CCDC32: variants seen among roughly 807,000 people sequenced by gnomAD.
CCDC32 encodes the protein coiled-coil domain-containing protein 32.
In CCDC32, 9 loss-of-function variants were observed where a neutral mutation model predicts 20.1. The ratio of observed to expected loss-of-function variants is 0.45; its 90% CI spans 0.27 to 0.78. The LOEUF is 0.78. CCDC32 is among the 30% of genes least tolerant of loss of function. The pLI is 0.16. For synonymous variants in CCDC32, 63 were observed against 79.0 expected, an observed-to-expected ratio of 0.80 and a Z score of 1.07; for missense variants, 204 against 215.5, an observed-to-expected ratio of 0.95 and a Z score of 0.33.
At chr15:40,531,038 G>A (rs1888858958), downstream of CCDC32, among the ~76,000 whole-genome samples, 1 of 151,562 alleles carries the variant, frequency 6.6e-6, no homozygotes, top group Admixed American at 6.6e-5. Flanking sequence ...ATGCAAAGTG[G>A]ACTGATACAG....
chr15:40,535,194 G>T, downstream of CCDC32: 1 of 1,351,124 alleles, frequency 7.4e-7, no homozygotes. Context: ...AATGGAATGG[G>T]GGAGAATGCA....
At chr15:40,554,576 A>G (rs1890110180) in intron 3 of CCDC32, among the ~76,000 whole-genome samples, 1 of 152,194 alleles carries the variant, frequency 6.6e-6, no homozygotes, top group South Asian at 2.1e-4. Context: ...TCTGGGACTC[A>G]ATTATAGCAC....
At chr15:40,535,581 C>T, downstream of CCDC32, 1 of 983,394 alleles carries the variant, frequency 1.0e-6, no homozygotes, top group Non-Finnish European at 1.2e-6. Flanking sequence ...TCTTCAGGCA[C>T]TTCATGGTTC....
chr15:40,528,599 G>A, downstream of CCDC32: 2 of 599,444 alleles, frequency 3.3e-6, no homozygotes, highest in East Asian at 2.8e-5. Flanking sequence ...TCCAGGGAGG[G>A]GAAGACACCA....
At chr15:40,548,129 C>T (rs1889697575), downstream of CCDC32, among the ~76,000 whole-genome samples, 1 of 152,202 alleles carries the variant, frequency 6.6e-6, no homozygotes, top group Non-Finnish European at 1.5e-5. Flanking sequence ...CACTATCTCT[C>T]CTTTATTTGG....
At chr15:40,555,711 T>G (rs184365911) in intron 3 of CCDC32, among the ~76,000 whole-genome samples, 1 of 152,346 alleles carries the variant, frequency 6.6e-6, no homozygotes, top group Non-Finnish European at 1.5e-5. Flanking sequence ...TTTACACATT[T>G]GCAAGTAAAT....
downstream of CCDC32, chr15:40,532,131 T>C: frequency 1.9e-6 from 1 of 538,836 alleles, no homozygotes; most frequent in Non-Finnish European, 3.3e-6. Flanking sequence ...GTGTTCACTT[T>C]TTTCTTCTCT....
At chr15:40,557,624 A>C in intron 2 of CCDC32, 1 of 356,372 alleles carries the variant, frequency 2.8e-6, no homozygotes, top group South Asian at 4.7e-5. Flanking sequence ...ATAGGTTCTC[A>C]TAAATAAGTC....
At chr15:40,548,262 G>T (rs1280312651), downstream of CCDC32, among the ~76,000 whole-genome samples, 1 of 152,180 alleles carries the variant, frequency 6.6e-6, no homozygotes, top group Non-Finnish European at 1.5e-5. Context: ...AGTGGAAAAA[G>T]TCCTCAAGTA....
At chr15:40,551,583 G>A (rs1239841859), downstream of CCDC32, among the ~76,000 whole-genome samples, 3 of 151,834 alleles carry the variant, frequency 2.0e-5, no homozygotes, top group South Asian at 2.1e-4. Flanking sequence ...GGAATAAAGC[G>A]ACTAAATCTA....
intron 3 of CCDC32, among the ~76,000 whole-genome samples, chr15:40,544,146 C>T (rs148737462): frequency 6.6e-6 from 1 of 152,114 alleles, no homozygotes; most frequent in Non-Finnish European, 1.5e-5. Flanking sequence ...AGATCTTGCC[C>T]TTGTCATAGT....
intron 2 of CCDC32, among the ~76,000 whole-genome samples, chr15:40,561,574 G>A (rs1367679129): frequency 2.0e-5 from 3 of 152,038 alleles, no homozygotes; most frequent in African/African-American, 7.2e-5. Context: ...AGGGGTGAGG[G>A]ATAAAAAACT....
chr15:40,549,208 A>G (rs563767002), downstream of CCDC32, among the ~76,000 whole-genome samples: 1 of 151,730 alleles, frequency 6.6e-6, no homozygotes, highest in Non-Finnish European at 1.5e-5. Flanking sequence ...CCCACAATAA[A>G]CTCCAAACTC....
At chr15:40,525,926 A>G (rs1044220356), downstream of CCDC32, among the ~76,000 whole-genome samples, 2 of 150,570 alleles carry the variant, frequency 1.3e-5, no homozygotes, top group African/African-American at 4.9e-5. Flanking sequence ...CAATAATTAC[A>G]TATCTTTGTC....
downstream of CCDC32, chr15:40,539,126 A>G (rs955853982): frequency 2.0e-5 from 17 of 855,978 alleles, no homozygotes; most frequent in African/African-American, 1.8e-4. Context: ...GGGCTGGGCC[A>G]GAGGGAAGTA....
intron 2 of CCDC32, among the ~76,000 whole-genome samples, chr15:40,559,282 T>C (rs904132595): frequency 2.6e-5 from 4 of 152,178 alleles, no homozygotes; most frequent in African/African-American, 7.2e-5. Context: ...AAAGACAGTC[T>C]CACTATGTTG....
intron 3 of CCDC32, among the ~76,000 whole-genome samples, chr15:40,529,105 G>A (rs989877942): frequency 2.6e-5 from 4 of 152,198 alleles, no homozygotes; most frequent in Admixed American, 2.0e-4. Context: ...AGAAGCTGCC[G>A]CTCTGCAGGG....
chr15:40,551,809 CAAAAAAAAAAAAAAAA>C (rs59499493), downstream of CCDC32, among the ~76,000 whole-genome samples: 3 of 96,384 alleles, frequency 3.1e-5, no homozygotes, highest in Non-Finnish European at 5.7e-5. Context: ...GACCCTGTCT[CAAAAAAAAAAAAAAAA>C]AAAAAAAAAA....
At chr15:40,553,078 A>C (rs1436988430), downstream of CCDC32, 6 of 977,524 alleles carry the variant, frequency 6.1e-6, no homozygotes, top group African/African-American at 7.0e-5. Flanking sequence ...AATCGAGTCA[A>C]CAGCACCACA....
Sources: allele counts gnomAD v4.1 joint callset (sites outside exome capture counted in the v4.1 genomes callset), GRCh38; gene constraint gnomAD v4.1.1; transcripts MANE v1.5; gene names NCBI Gene and HGNC (gene_info 2026-07-23, HGNC 2026-07-21).